Variants in SEZ6L observed in about 807,000 individuals in gnomAD.
The protein encoded by SEZ6L is seizure 6-like protein.
SEZ6L carries 37 observed loss-of-function variants against 106.2 expected under a neutral mutation model. The observed-to-expected ratio is 0.35, with a 90% CI of 0.27 to 0.46. The LOEUF is 0.46. Among genes scored for constraint, SEZ6L ranks in the 20% least tolerant of loss-of-function variants. The probability of loss-of-function intolerance (pLI) is 1.00; values close to 1 mark genes in which losing one functional copy is unlikely to be tolerated. For synonymous variants in SEZ6L, 541 were observed against 570.4 expected (o/e 0.95, Z 0.73); for missense variants, 1,172 against 1,332.8 (o/e 0.88, Z 1.88).
intron 1 of SEZ6L, among the ~76,000 whole-genome samples, chr22:26,235,755 G>A (rs867207908): frequency 2.0e-5 from 3 of 152,348 alleles, no homozygotes; most frequent in Middle Eastern, 3.4e-3. Flanking sequence ...CATACCTGGA[G>A]CATGGATCTC....
At chr22:26,279,069 C>A (rs1357228884) in intron 1 of SEZ6L, among the ~76,000 whole-genome samples, 1 of 151,668 alleles carries the variant, frequency 6.6e-6, no homozygotes, top group African/African-American at 2.4e-5. Context: ...CCCCCAACCA[C>A]GTTGAATGAC....
At chr22:26,256,358 A>G (rs2079821843) in intron 1 of SEZ6L, among the ~76,000 whole-genome samples, 1 of 152,248 alleles carries the variant, frequency 6.6e-6, no homozygotes, top group African/African-American at 2.4e-5. Context: ...ATGAATGAAA[A>G]GCAGGATTCC....
At chr22:26,306,779 TG>T (rs772254615) in intron 6 of SEZ6L, among the ~76,000 whole-genome samples, 1 of 152,250 alleles carries the variant, frequency 6.6e-6, no homozygotes, top group Non-Finnish European at 1.5e-5. Context: ...TGAAATATTC[TG>T]GTATCTTATT....
intron 1 of SEZ6L, among the ~76,000 whole-genome samples, chr22:26,282,859 A>AT (rs1182530469): frequency 2.6e-5 from 4 of 151,956 alleles, no homozygotes; most frequent in Non-Finnish European, 5.9e-5. Context: ...TCTGAAGGTG[A>AT]TTTTTTTTCT....
intron 9 of SEZ6L, among the ~76,000 whole-genome samples, chr22:26,335,151 T>A (rs1443777690): frequency 6.6e-6 from 1 of 152,192 alleles, no homozygotes; most frequent in Non-Finnish European, 1.5e-5. Flanking sequence ...TGTAAGCTCC[T>A]CTTTGCATTG....
intron 1 of SEZ6L, among the ~76,000 whole-genome samples, chr22:26,183,775 G>A (rs1298799168): frequency 6.6e-6 from 1 of 152,210 alleles, no homozygotes; most frequent in Non-Finnish European, 1.5e-5. Flanking sequence ...CTGAGCATGT[G>A]TATAGATATA....
At chr22:26,279,186 G>GT (rs1197012627) in intron 1 of SEZ6L, among the ~76,000 whole-genome samples, 1 of 152,210 alleles carries the variant, frequency 6.6e-6, no homozygotes, top group Non-Finnish European at 1.5e-5. Flanking sequence ...CCTTAGGCAA[G>GT]TTTTTTGAGT....
chr22:26,305,560 T>A (rs913644334), intron 5 of SEZ6L, among the ~76,000 whole-genome samples: 8 of 152,378 alleles, frequency 5.3e-5, no homozygotes, highest in African/African-American at 1.9e-4. Flanking sequence ...GCTGAATTTT[T>A]AGTGCTTACT....
Position 26,357,100 on chromosome 22 carries a change from C to T in SEZ6L, c.2599+5857C>T, listed in dbSNP as rs144795301. Among the ~76,000 whole-genome samples, 348 of 152,112 alleles carry T rather than the reference C, an allele frequency of 2.3e-3. 1 individual carries two copies. Among genetic ancestry groups the T allele is most frequent in the African/African-American group, 7.0e-3 (291 of 41,488 alleles). ...CAGAGTAGCTGGGACTACAGGTGCC[C>T]GCCACCACGCCTGGCTAATTTTTTG... On this transcript the variant is annotated intron_variant, in intron 12 of 16. Transcript: ENST00000248933.
chr22:26,343,390 C>T (rs1033973836), intron 10 of SEZ6L, among the ~76,000 whole-genome samples: 3 of 151,156 alleles, frequency 2.0e-5, no homozygotes, highest in African/African-American at 7.3e-5. Context: ...GAAAGTCTGG[C>T]CAGTGTTCAG....
At chr22:26,169,954 T>C (rs920798625) in intron 1 of SEZ6L, among the ~76,000 whole-genome samples, 191 bp downstream of exon 1, 2 of 152,012 alleles carry the variant, frequency 1.3e-5, no homozygotes, top group Non-Finnish European at 2.9e-5. Flanking sequence ...GAGGCGGGGA[T>C]GTGTTGAAGG....
At chr22:26,378,815 G>C (rs568373260) in intron 16 of SEZ6L, among the ~76,000 whole-genome samples, 151 of 152,264 alleles carry the variant, frequency 9.9e-4, no homozygotes, top group Middle Eastern at 6.8e-3. Flanking sequence ...CCAACGTTTG[G>C]GGGGAATAAA....
At chr22:26,335,159 T>C (rs374692211) in intron 9 of SEZ6L, among the ~76,000 whole-genome samples, 1 of 152,200 alleles carries the variant, frequency 6.6e-6, no homozygotes, top group Non-Finnish European at 1.5e-5. Flanking sequence ...CCTCTTTGCA[T>C]TGAGGGGAAA....
intron 1 of SEZ6L, chr22:26,254,047 A>G (rs997766643): frequency 1.6e-4 from 24 of 152,220 alleles, no homozygotes; most frequent in African/African-American, 5.8e-4. Flanking sequence ...TGCACCTGCA[A>G]CTACCCTTGA....
chr22:26,316,206 G>A (rs2081992352), intron 9 of SEZ6L, among the ~76,000 whole-genome samples: 1 of 152,146 alleles, frequency 6.6e-6, no homozygotes, highest in Non-Finnish European at 1.5e-5. Context: ...ACAATTTTAT[G>A]TGCTGGAAAG....
intron 13 of SEZ6L, among the ~76,000 whole-genome samples, chr22:26,371,126 T>G (rs1004798532): frequency 6.6e-6 from 1 of 152,212 alleles, no homozygotes; most frequent in East Asian, 1.9e-4. Flanking sequence ...ACACTTTGCT[T>G]GTTCCCCAGT....
intron 5 of SEZ6L, among the ~76,000 whole-genome samples, chr22:26,305,306 C>T (rs929047977): frequency 2.0e-5 from 3 of 152,092 alleles, no homozygotes; most frequent in Admixed American, 6.5e-5. Context: ...TAAATCTTTT[C>T]TTATTATAAT....
intron 6 of SEZ6L, among the ~76,000 whole-genome samples, chr22:26,310,363 C>T (rs1409706568): frequency 6.6e-6 from 1 of 152,112 alleles, no homozygotes; most frequent in Non-Finnish European, 1.5e-5. Flanking sequence ...TGGTGAAACC[C>T]CATCTCTACT....
rs3071639 is a variant in SEZ6L at position 26,347,199 on chromosome 22, A to AATGATG, written c.2213-496_2213-491dup. On this transcript the variant is annotated intron_variant, in intron 10 of 16. Coordinates refer to ENST00000248933, the MANE Select transcript of SEZ6L (RefSeq NM_021115.5). ...CAACAGAGACCCTGCCTGTAAAAAT[A>AATGATG]ATGATGATGATGATGATGATGATGA... is the stretch of plus-strand genomic sequence containing the variant. Among the ~76,000 whole-genome samples the AATGATG allele has an allele frequency of 2.0e-3, 298 of 149,826 alleles. 2 individuals are homozygous for AATGATG. The highest frequency in any genetic ancestry group is 9.5e-3 in the East Asian group (48 of 5,078).
Sources: allele counts gnomAD v4.1 joint callset (sites outside exome capture counted in the v4.1 genomes callset), GRCh38; gene constraint gnomAD v4.1.1; transcripts MANE v1.5; gene names NCBI Gene and HGNC (gene_info 2026-07-23, HGNC 2026-07-21).